Variants in CCS observed in about 807,000 individuals in gnomAD.
CCS encodes superoxide dismutase copper chaperone.
CCS carries 32 observed loss-of-function variants against 35.5 expected under a neutral mutation model. The observed-to-expected ratio is 0.90, with a 90% CI of 0.68 to 1.21. CCS has a LOEUF of 1.21. Ranked by LOEUF, CCS falls within the 50% of genes most tolerant of loss-of-function variation. CCS has a pLI of 0.00. For missense variants in CCS, 342 were observed against 375.4 expected, an observed-to-expected ratio of 0.91 and a Z score of 0.73; for synonymous variants, 130 against 147.2, an observed-to-expected ratio of 0.88 and a Z score of 0.84.
intron 2 of CCS, among the ~76,000 whole-genome samples, chr11:66,596,122 C>T (rs11602588): frequency 1.3e-5 from 2 of 152,198 alleles, no homozygotes; most frequent in East Asian, 1.9e-4. Flanking sequence ...GGCTGGAGTG[C>T]GGTGGCACCA....
chr11:66,596,416 G>T (rs1858477814), intron 2 of CCS, among the ~76,000 whole-genome samples: 1 of 142,422 alleles, frequency 7.0e-6, no homozygotes, highest in Non-Finnish European at 1.5e-5. Flanking sequence ...ATCTCGCTCT[G>T]TTGCCCAGGC....
At chr11:66,603,740 G>A (rs1404262103) in intron 5 of CCS, among the ~76,000 whole-genome samples, 4 of 152,300 alleles carry the variant, frequency 2.6e-5, no homozygotes, top group Non-Finnish European at 5.9e-5. Flanking sequence ...CAGCTACTTG[G>A]GAGGTTGAGG....
rs1290499608 is a variant in CCS, at chr11:66,593,669, C to T, written c.67C>T (p.Gln23Ter). The change falls in exon 2 of 8, where the codon CAG becomes TAG. Residue 23 changes from glutamine to a stop codon, truncating the protein, a stop_gained. Transcript: ENST00000533244. LOFTEE classifies it high-confidence loss of function. ...GGAGTTCGCGGTGCAGATGACCTGTCAGAGCTGTGTGGACGCGGTGCGCAA... is the reference window on the plus strand; with the variant it reads ...GGAGTTCGCGGTGCAGATGACCTGTTAGAGCTGTGTGGACGCGGTGCGCAA... ...TLEFAVQMTC[Q>*]SCVDAVRKSL... 5.6e-6 allele frequency: 9 copies of T among 1,614,116 alleles called. No individual in the cohort carries two copies. Among genetic ancestry groups the T allele is most frequent in the East Asian group, 2.2e-5 (1 of 44,880 alleles).
chr11:66,599,778 C>T, intron 4 of CCS, 142 bp downstream of exon 4: 1 of 791,680 alleles, frequency 1.3e-6, no homozygotes, highest in South Asian at 1.8e-5. Flanking sequence ...AAATGACTTG[C>T]CAAAGGTCCA....
Position 66,605,517 on chromosome 11 carries a change from T to C in CCS, c.596T>C (p.Ile199Thr). The change falls in exon 7 of 8, where the codon ATT becomes ACT. Residue 199 changes from isoleucine (I) to threonine (T), a missense_variant. Ile to Thr is a moderately conservative substitution (Grantham distance 89). Coordinates refer to ENST00000533244, the MANE Select transcript of CCS (RefSeq NM_005125.2). ...TGGGATGTGATTGGCCGCAGCCTGA[T>C]TATTGATGAGGGAGAAGATGACCTG... ...KVWDVIGRSL[I>T]IDEGEDDLGR... 1 of 1,614,076 alleles carries C rather than the reference T, an allele frequency of 6.2e-7. No homozygotes were observed. The highest frequency in any genetic ancestry group is 8.5e-7 in the Non-Finnish European group (1 of 1,180,000).
Position 66,599,497 on chromosome 11 carries a change from G to T in CCS, c.289G>T (p.Gly97Cys). 17 of 1,558,928 alleles carry T rather than the reference G, an allele frequency of 1.1e-5. No homozygotes were observed. Among genetic ancestry groups the T allele is most frequent in the Non-Finnish European group, 1.4e-5 (16 of 1,156,460 alleles). Residue 97 changes from glycine to cysteine, a missense_variant, in exon 4 of 8, where the codon GGC (glycine) becomes TGC (cysteine). Gly to Cys is a radical substitution (Grantham distance 159). Transcript: ENST00000533244. ...AGCAGTGGCCATCCTGGGGGGGCCT[G>T]GCACCGTGCAGGGGGTGGTGCGCTT... ...GAAVAILGGPGTVQGVVRFLQ... is the reference protein window; with the variant it reads ...GAAVAILGGPCTVQGVVRFLQ...
chr11:66,598,714 G>A (rs1240283578), intron 2 of CCS, among the ~76,000 whole-genome samples: 1 of 151,714 alleles, frequency 6.6e-6, no homozygotes, highest in Non-Finnish European at 1.5e-5. Context: ...TTCATTGTAT[G>A]GATACCACAT....
At chr11:66,596,179 A>C (rs1428885493) in intron 2 of CCS, among the ~76,000 whole-genome samples, 1 of 149,992 alleles carries the variant, frequency 6.7e-6, no homozygotes, top group Non-Finnish European at 1.5e-5. Flanking sequence ...TGATTCTCCC[A>C]CCTCAGCCTC....
rs78819055 is a variant in CCS, at chr11:66,595,330, G to A, written c.112+1616G>A. On this transcript the variant is annotated intron_variant, in intron 2 of 7. Coordinates refer to ENST00000533244, the MANE Select transcript of CCS (RefSeq NM_005125.2). ...TTGAAGCTGGGTTTGCTTAGACTAC[G>A]CGTTTTGGGTGGTGAATGGGCCCTC... is the stretch of plus-strand genomic sequence containing the variant. Among the ~76,000 whole-genome samples, 734 of 152,268 alleles carry A rather than the reference G, an allele frequency of 4.8e-3. 3 individuals are homozygous for A. Among genetic ancestry groups the A allele is most frequent in the African/African-American group, 0.017 (700 of 41,544 alleles).
chr11:66,601,155 C>T (rs1858566470), intron 5 of CCS, among the ~76,000 whole-genome samples: 1 of 152,216 alleles, frequency 6.6e-6, no homozygotes, highest in Non-Finnish European at 1.5e-5. Flanking sequence ...TGCAATGGCG[C>T]AGTCCCAGCT....
chr11:66,595,024 T>C (rs1358062157), intron 2 of CCS, among the ~76,000 whole-genome samples: 1 of 152,140 alleles, frequency 6.6e-6, no homozygotes, highest in Non-Finnish European at 1.5e-5. Flanking sequence ...TGTAAAGTGA[T>C]TAGGGGTATG....
chr11:66,599,553 C>G lies in CCS; in HGVS notation c.345C>G (p.Ile115Met). Residue 115 changes from isoleucine (I) to methionine (M), a missense_variant, in exon 4 of 8, where the codon ATC becomes ATG. Ile to Met is a conservative substitution (Grantham distance 10, BLOSUM62 1). Coordinates refer to ENST00000533244, the MANE Select transcript of CCS (RefSeq NM_005125.2). ...AGCTGACCCCTGAGCGCTGCCTCAT[C>G]GAGGGAACTATTGACGGCCTGGAGC... The part of the protein sequence containing the change: ...FLQLTPERCL[I>M]EGTIDGLEPG... 5.0e-6 allele frequency: 8 copies of G among 1,604,086 alleles called. No homozygotes were observed. Among genetic ancestry groups the G allele is most frequent in the Non-Finnish European group, 6.8e-6 (8 of 1,175,664 alleles).
chr11:66,599,210 G>A lies in CCS; in HGVS notation c.207G>A (p.Thr69=), dbSNP rs1206554592. 6.8e-6 allele frequency: 11 copies of A among 1,613,218 alleles called. No homozygotes were observed. The highest frequency in any genetic ancestry group is 1.7e-5 in the Admixed American group (1 of 59,834). Residue 69 remains threonine (T), a synonymous_variant, in exon 3 of 8, where the codon ACG becomes ACA. Transcript: ENST00000533244. The part of the protein sequence containing the change: ...SQEVQALLEG[T]GRQAVLKGMG... ...AGGTGCAGGCTCTCCTGGAAGGCAC[G>A]GGGCGGCAGGCGGTACTCAAGGGCA...
In CCS at chr11:66,605,514, T is replaced by G; in HGVS notation, c.593T>G (p.Leu198Arg). Residue 198 changes from leucine to arginine, a missense_variant, in exon 7 of 8, where the codon CTG (leucine) becomes CGG (arginine). By Grantham distance (102) the Leu-to-Arg change is moderately radical. Transcript: ENST00000533244. ...LKVWDVIGRS[L>R]IIDEGEDDLG... ...GTGTGGGATGTGATTGGCCGCAGCC[T>G]GATTATTGATGAGGGAGAAGATGAC... 1 of 1,614,046 alleles carries G rather than the reference T, an allele frequency of 6.2e-7. No homozygotes were observed. The highest frequency in any genetic ancestry group is 8.5e-7 in the Non-Finnish European group (1 of 1,179,992).
In CCS at chr11:66,599,595, C is replaced by T; in HGVS notation, c.387C>T (p.Leu129=). The T allele has an allele frequency of 6.2e-7, 1 of 1,607,954 alleles. No individual in the cohort carries two copies. Among genetic ancestry groups the T allele is most frequent in the East Asian group, 2.2e-5 (1 of 44,670 alleles). ...IDGLEPGLHG[L]HVHQYGDLTN... ...GCCTGGAGCCTGGGCTGCATGGACT[C>T]CACGTCCATCAGTACGGGGACCTTA... is the stretch of plus-strand genomic sequence containing the variant. The change falls in exon 4 of 8, where the codon CTC becomes CTT. Residue 129 remains leucine, a synonymous_variant. Coordinates refer to ENST00000533244, the MANE Select transcript of CCS (RefSeq NM_005125.2).
intron 2 of CCS, among the ~76,000 whole-genome samples, chr11:66,596,472 C>T (rs1396822516): frequency 2.6e-5 from 4 of 151,862 alleles, no homozygotes; most frequent in Non-Finnish European, 2.9e-5. Flanking sequence ...CTCCGCCTCC[C>T]GGGTTCATGC....
At position 66,605,764 on chromosome 11, in the gene CCS, CT is replaced by C; in HGVS notation, c.736del (p.Cys246AlafsTer?). 1 of 1,607,548 alleles carries C rather than the reference CT, an allele frequency of 6.2e-7. No individual in the cohort carries two copies. Among genetic ancestry groups the C allele is most frequent in the South Asian group, 1.1e-5 (1 of 90,424 alleles). ...TTCCAGAACCCCAAGCAGATCTGCT[CT>C]TGCGATGGCCTCACCATCTGGGAGG... Reference protein sequence around the residue: ...GLFQNPKQICSCDGLTIWEER... With the variant: ...GLFQNPKQICXCDGLTIWEER... On this transcript the variant is annotated frameshift_variant, in exon 8 of 8. Transcript: ENST00000533244. LOFTEE classifies it high-confidence loss of function.
chr11:66,593,236 G>A lies in CCS; in HGVS notation c.-26G>A, dbSNP rs532915835. The A allele has an allele frequency of 1.9e-6, 3 of 1,557,756 alleles. No homozygotes were observed. The highest frequency in any genetic ancestry group is 3.9e-5 in the Admixed American group (2 of 50,928). On this transcript the variant is annotated 5_prime_UTR_variant, in exon 1 of 8. Transcript: ENST00000533244. ...TGCTCCTGCGCCGGAGGAGTTCTGC[G>A]TCTCGGGGTGGTGACTGGGTCCAGA...
chr11:66,601,636 A>C (rs1340072619), intron 5 of CCS, among the ~76,000 whole-genome samples: 3 of 149,594 alleles, frequency 2.0e-5, no homozygotes, highest in African/African-American at 7.4e-5. Context: ...TGCTGTGATC[A>C]TGGCTCACTA....
Sources: gnomAD v4.1 joint callset for allele counts (sites outside exome capture counted in the v4.1 genomes callset) on GRCh38, gnomAD v4.1.1 for gene constraint, MANE v1.5 for transcripts, NCBI Gene and HGNC (gene_info 2026-07-23, HGNC 2026-07-21) for gene names.